Variants in LINGO1 observed in about 807,000 individuals in gnomAD.
LINGO1 encodes leucine-rich repeat and immunoglobulin-like domain-containing nogo receptor-interacting protein 1.
A neutral mutation model predicts 37.3 loss-of-function variants in LINGO1; 11 were observed. The ratio of observed to expected loss-of-function variants is 0.29; its 90% CI spans 0.19 to 0.49. LINGO1 has a LOEUF of 0.49. LINGO1 is among the 20% of genes least tolerant of loss of function. The pLI is 0.99. For synonymous variants in LINGO1, 387 were observed against 403.0 expected, an observed-to-expected ratio of 0.96 and a Z score of 0.48; for missense variants, 585 against 878.2, an observed-to-expected ratio of 0.67 and a Z score of 4.22.
At chr15:77,755,006 A>G (rs984743072) in intron 1 of LINGO1, among the ~76,000 whole-genome samples, 3 of 152,234 alleles carry the variant, frequency 2.0e-5, no homozygotes, top group Non-Finnish European at 4.4e-5. Context: ...TGCACACAAA[A>G]GGTATGGCCT....
intron 1 of LINGO1, among the ~76,000 whole-genome samples, chr15:77,818,249 T>A (rs1282006235): frequency 2.0e-5 from 3 of 152,192 alleles, no homozygotes; most frequent in Non-Finnish European, 1.5e-5. Context: ...TCCTTGGGCC[T>A]CTCACTCCAG....
At chr15:77,748,532 A>C (rs1273369911) in intron 1 of LINGO1, among the ~76,000 whole-genome samples, 1 of 152,190 alleles carries the variant, frequency 6.6e-6, no homozygotes, top group African/African-American at 2.4e-5. Flanking sequence ...TGCAGAGCCC[A>C]GGAACCCTGA....
intron 1 of LINGO1, among the ~76,000 whole-genome samples, chr15:77,818,616 C>CG (rs376166106): frequency 6.6e-6 from 1 of 152,122 alleles, no homozygotes; most frequent in African/African-American, 2.4e-5. Flanking sequence ...GCAGAAGGCG[C>CG]GGGGACACAC....
intron 3 of LINGO1, among the ~76,000 whole-genome samples, chr15:77,639,995 G>C (rs1480733510): frequency 6.6e-6 from 1 of 152,120 alleles, no homozygotes; most frequent in Non-Finnish European, 1.5e-5. Flanking sequence ...CAACGCTATG[G>C]GCTCCCTTCT....
intron 2 of LINGO1, among the ~76,000 whole-genome samples, chr15:77,719,931 A>G (rs1468396694): frequency 6.7e-6 from 1 of 149,978 alleles, no homozygotes; most frequent in Admixed American, 6.7e-5. Context: ...CCTCTGAGCC[A>G]CCACTTGTGA....
At chr15:77,634,589 G>A (rs1416888877), upstream of LINGO1, among the ~76,000 whole-genome samples, 1 of 152,198 alleles carries the variant, frequency 6.6e-6, no homozygotes, top group Admixed American at 6.5e-5. Context: ...AACTGGACTC[G>A]TCTTCTATGG....
intron 1 of LINGO1, among the ~76,000 whole-genome samples, chr15:77,782,695 C>T (rs969456624): frequency 6.6e-6 from 1 of 151,958 alleles, no homozygotes; most frequent in African/African-American, 2.4e-5. Flanking sequence ...ACTCTCCAAC[C>T]CCTTCCCCAG....
intron 3 of LINGO1, among the ~76,000 whole-genome samples, chr15:77,639,528 G>A (rs141229701): frequency 4.4e-4 from 67 of 151,938 alleles, no homozygotes; most frequent in African/African-American, 1.2e-3. Context: ...GCAGAGGAGC[G>A]CGCATGGCAG....
At chr15:77,636,616 C>T (rs1426255878), upstream of LINGO1, among the ~76,000 whole-genome samples, 1 of 152,088 alleles carries the variant, frequency 6.6e-6, no homozygotes, top group African/African-American at 2.4e-5. Context: ...TGTTAACTTG[C>T]TGTGTGACCT....
intron 3 of LINGO1, among the ~76,000 whole-genome samples, chr15:77,665,965 C>T (rs1389197729): frequency 3.3e-5 from 5 of 152,232 alleles, no homozygotes; most frequent in East Asian, 3.8e-4. Flanking sequence ...CAAGTTTTCC[C>T]CAGCACTGGT....
upstream of LINGO1, among the ~76,000 whole-genome samples, chr15:77,791,235 A>C (rs971128585): frequency 6.6e-6 from 1 of 152,122 alleles, no homozygotes; most frequent in African/African-American, 2.4e-5. Flanking sequence ...GACATGAGGG[A>C]CAAGAGGATG....
chr15:77,717,161 C>T (rs1300440301), intron 2 of LINGO1, among the ~76,000 whole-genome samples: 2 of 150,574 alleles, frequency 1.3e-5, no homozygotes, highest in Non-Finnish European at 3.0e-5. Flanking sequence ...GGTTAACTCT[C>T]TGCCGTGGAG....
intron 1 of LINGO1, among the ~76,000 whole-genome samples, chr15:77,738,851 A>G (rs892688933): frequency 6.6e-6 from 1 of 152,190 alleles, no homozygotes; most frequent in Non-Finnish European, 1.5e-5. Context: ...CAACTCTACC[A>G]GACTCCGAAG....
chr15:77,631,488 C>T (rs542040416), intron 1 of LINGO1, among the ~76,000 whole-genome samples: 4 of 152,344 alleles, frequency 2.6e-5, no homozygotes, highest in African/African-American at 4.8e-5. Flanking sequence ...GGCCCCACCC[C>T]TCCTTCTCAA....
chr15:77,754,765 C>A (rs1044624997), intron 1 of LINGO1, among the ~76,000 whole-genome samples: 1 of 152,242 alleles, frequency 6.6e-6, no homozygotes, highest in Non-Finnish European at 1.5e-5. Flanking sequence ...AGTGCAGCGT[C>A]CTTGGCCTGG....
intron 1 of LINGO1, among the ~76,000 whole-genome samples, chr15:77,816,608 T>G (rs1000849522): frequency 6.6e-6 from 1 of 152,096 alleles, no homozygotes; most frequent in African/African-American, 2.4e-5. Flanking sequence ...TCCCTCCCAG[T>G]CAGGAGGCTG....
At chr15:77,731,370 C>T (rs1372389670) in intron 2 of LINGO1, among the ~76,000 whole-genome samples, 3 of 152,200 alleles carry the variant, frequency 2.0e-5, no homozygotes, top group Admixed American at 6.5e-5. Context: ...CAGACCCACG[C>T]GTGTCCCCTG....
chr15:77,780,465 T>A (rs1211842398), intron 1 of LINGO1, among the ~76,000 whole-genome samples: 1 of 151,916 alleles, frequency 6.6e-6, no homozygotes, highest in Non-Finnish European at 1.5e-5. Context: ...AGCTACAGTG[T>A]CATTATGGAG....
At chr15:77,647,218 T>G (rs1311252152) in intron 3 of LINGO1, among the ~76,000 whole-genome samples, 2 of 152,032 alleles carry the variant, frequency 1.3e-5, no homozygotes. Context: ...GCAGGGTAGC[T>G]CTCGGATCAG....
Sources: gnomAD v4.1 joint callset for allele counts (sites outside exome capture counted in the v4.1 genomes callset) on GRCh38, gnomAD v4.1.1 for gene constraint, MANE v1.5 for transcripts, NCBI Gene and HGNC (gene_info 2026-07-23, HGNC 2026-07-21) for gene names.